The following NOS1 variants were observed in gnomAD, a reference collection of about 807,000 sequenced individuals.
The protein encoded by NOS1 is nitric oxide synthase 1, also known as NOS type I.
Under a neutral mutation model 164.5 loss-of-function variants are expected in NOS1, and 51 were observed. The observed-to-expected ratio is 0.31, with a 90% CI of 0.25 to 0.39. NOS1 has a LOEUF of 0.39. NOS1 is among the 10% of genes least tolerant of loss of function. NOS1 has a pLI of 1.00. For synonymous variants in NOS1, 719 were observed against 745.8 expected (o/e 0.96, Z 0.59); for missense variants, 1,362 against 1,885.6 (o/e 0.72, Z 5.14).
intron 8 of NOS1, 90 bp downstream of exon 8, chr12:117,280,635 T>C (rs1466950520): frequency 1.7e-5 from 23 of 1,345,310 alleles, no homozygotes; most frequent in Non-Finnish European, 2.3e-5. Context: ...GCGGATCTCC[T>C]GTGATGATAG....
rs146206441 is a variant in NOS1, at chr12:117,264,498, T to TTC, written c.2137-526_2137-525dup. On this transcript the variant is annotated intron_variant, in intron 12 of 28. Coordinates refer to ENST00000317775, the MANE Select transcript of NOS1 (RefSeq NM_000620.5). ...CTTTCTTTCCTTTCTTTCTCTTTCT[T>TTC]TCTCTCTCTCTCTCCCTTCCTTCCT... 1.0e-4 allele frequency among the ~76,000 whole-genome samples: 15 copies of TTC among 150,544 alleles called. 2 individuals are homozygous for TTC. The South Asian group carries it at 2.1e-3, about 21-fold the overall frequency.
chr12:117,312,500 TG>T (rs1874480048), intron 2 of NOS1, among the ~76,000 whole-genome samples: 2 of 152,042 alleles, frequency 1.3e-5, no homozygotes, highest in Non-Finnish European at 2.9e-5. Context: ...TCTGCAGCCT[TG>T]ATCTTCTGGG....
At chr12:117,342,347 A>C (rs1489684554) in intron 1 of NOS1, among the ~76,000 whole-genome samples, 2 of 152,184 alleles carry the variant, frequency 1.3e-5, no homozygotes, top group African/African-American at 4.8e-5. Flanking sequence ...AAAAACAATG[A>C]GTAGAACAAA....
intron 7 of NOS1, among the ~76,000 whole-genome samples, chr12:117,284,610 C>G (rs1873953864): frequency 6.6e-6 from 1 of 151,982 alleles, no homozygotes; most frequent in Non-Finnish European, 1.5e-5. Flanking sequence ...TTTTCTGATT[C>G]CTGGGAATCT....
At chr12:117,273,568 C>T (rs1377754017) in intron 9 of NOS1, among the ~76,000 whole-genome samples, 1 of 151,874 alleles carries the variant, frequency 6.6e-6, no homozygotes, top group African/African-American at 2.4e-5. Context: ...TTTACTTTTG[C>T]CATTAAAAGT....
chr12:117,228,644 G>A (rs563139893), intron 22 of NOS1, among the ~76,000 whole-genome samples: 9 of 152,290 alleles, frequency 5.9e-5, no homozygotes, highest in East Asian at 3.9e-4. Context: ...CTCAGAAGAC[G>A]CCCTAGGCAG....
At chr12:117,354,690 A>G (rs1593046201) in intron 1 of NOS1, among the ~76,000 whole-genome samples, 1 of 152,296 alleles carries the variant, frequency 6.6e-6, no homozygotes, top group South Asian at 2.1e-4. Context: ...TGGACTGCCC[A>G]CATCATTTAC....
intron 1 of NOS1, among the ~76,000 whole-genome samples, chr12:117,336,144 C>G (rs899341307): frequency 1.3e-5 from 2 of 152,180 alleles, no homozygotes; most frequent in Non-Finnish European, 2.9e-5. Context: ...CACTATGCCT[C>G]CCTCCTTTTC....
At chr12:117,217,169 T>C (rs1183550284) in intron 28 of NOS1, among the ~76,000 whole-genome samples, 2 of 152,088 alleles carry the variant, frequency 1.3e-5, no homozygotes, top group South Asian at 2.1e-4. Flanking sequence ...GTCAAAATCA[T>C]GTGAATTATA....
At position 117,309,450 on chromosome 12, in the gene NOS1, C is replaced by T. The variant is rs1054907214; in HGVS notation, c.852+2016G>A. 1.9e-5 allele frequency: 17 copies of T among 892,504 alleles called. No homozygotes were observed. The South Asian group carries it at 2.6e-4, about 14-fold the overall frequency. 55.3% of individuals were successfully genotyped at this position (892,504 alleles called of 1,614,324 possible). A position where few individuals can be genotyped will look rare whatever the true frequency, so the allele number is the denominator to read the frequency against. On this transcript the variant is annotated intron_variant, in intron 3 of 28. Coordinates refer to ENST00000317775, the MANE Select transcript of NOS1 (RefSeq NM_000620.5). The stretch of plus-strand genomic sequence containing the variant: ...AGAACTTTGAGGCCTTGTTTAGGTG[C>T]GCTGGCAGTGAAAGCTGCCATCTGT...
chr12:117,269,465 T>C (rs1225079402), intron 10 of NOS1, among the ~76,000 whole-genome samples: 1 of 82,566 alleles, frequency 1.2e-5, no homozygotes, highest in Non-Finnish European at 2.0e-5. Context: ...TGGAGATTTG[T>C]TTTTTTTTTT....
At chr12:117,284,579 A>G (rs1025498503) in intron 7 of NOS1, among the ~76,000 whole-genome samples, 8 of 152,152 alleles carry the variant, frequency 5.3e-5, no homozygotes, top group Non-Finnish European at 7.4e-5. Context: ...CAGTAAAAGC[A>G]GGTCACCACC....
At chr12:117,274,769 C>CA (rs71099039) in intron 9 of NOS1, among the ~76,000 whole-genome samples, 61,633 of 79,622 alleles carry the variant, frequency 0.77, 22,595 homozygotes, top group South Asian at 0.88. Context: ...CTCCGTCTCA[C>CA]AAAAAAAAAA....
intron 18 of NOS1, among the ~76,000 whole-genome samples, chr12:117,244,093 G>A (rs1870426309): frequency 6.6e-6 from 1 of 152,082 alleles, no homozygotes; most frequent in South Asian, 2.1e-4. Flanking sequence ...AAACATCTCA[G>A]AATTTCCCAA....
chr12:117,255,541 G>A (rs1592955642), intron 16 of NOS1, among the ~76,000 whole-genome samples: 1 of 152,294 alleles, frequency 6.6e-6, no homozygotes, highest in East Asian at 1.9e-4. Context: ...CCCTAAAATA[G>A]TCTCACATTG....
At chr12:117,349,385 G>C (rs1876510163) in intron 1 of NOS1, among the ~76,000 whole-genome samples, 2 of 152,198 alleles carry the variant, frequency 1.3e-5, no homozygotes, top group East Asian at 3.9e-4. Flanking sequence ...CAGACATCTG[G>C]GTTGTTTCCA....
intron 1 of NOS1, among the ~76,000 whole-genome samples, chr12:117,347,508 C>T (rs543807633): frequency 5.4e-4 from 82 of 152,168 alleles, no homozygotes; most frequent in Admixed American, 3.1e-3. Flanking sequence ...CTGTGGCCCC[C>T]GTCATTCATT....
chr12:117,302,881 G>A (rs1235057615), intron 3 of NOS1, among the ~76,000 whole-genome samples: 1 of 152,026 alleles, frequency 6.6e-6, no homozygotes, highest in Non-Finnish European at 1.5e-5. Flanking sequence ...GAGTAGCTGG[G>A]ACTACAGGCA....
chr12:117,283,062 T>A (rs1489874595), intron 7 of NOS1, among the ~76,000 whole-genome samples: 37 of 135,698 alleles, frequency 2.7e-4, no homozygotes, highest in African/African-American at 1.0e-3. Flanking sequence ...ATATATTTTT[T>A]TTTTTTTTTT....
Sources: gnomAD v4.1 joint callset for allele counts (sites outside exome capture counted in the v4.1 genomes callset) on GRCh38, gnomAD v4.1.1 for gene constraint, MANE v1.5 for transcripts, NCBI Gene and HGNC (gene_info 2026-07-23, HGNC 2026-07-21) for gene names.